GFAP: variants seen among roughly 807,000 people sequenced by gnomAD.
GFAP encodes the protein intermediate filament protein.
Under a neutral mutation model 49.3 loss-of-function variants are expected in GFAP, and 38 were observed. The ratio of observed to expected loss-of-function variants is 0.77; its 90% CI spans 0.60 to 1.01. The LOEUF is 1.01. GFAP is among the 50% of genes least tolerant of loss of function. The probability of loss-of-function intolerance (pLI) is 0.00; values close to 1 mark genes in which losing one functional copy is unlikely to be tolerated. For missense variants in GFAP, 463 were observed against 579.1 expected (o/e 0.80, Z 2.06); for synonymous variants, 222 against 236.4 (o/e 0.94, Z 0.56).
Position 44,911,709 on chromosome 17 carries a change from T to G in GFAP, c.869A>C (p.Gln290Pro). ...AGACTCCAGGTCGCAGGTCAAGGAC[T>G]GCAACTGGCGCCGGTAGTCGTTGGC... ...HEANDYRRQL[Q>P]SLTCDLESLR... The change falls in exon 5 of 9, where the codon CAG becomes CCG. Residue 290 changes from glutamine to proline, a missense_variant. Physicochemically the swap from Gln to Pro is moderately conservative, Grantham distance 76. Around this residue, in one of 3 missense-constraint regions of GFAP, gnomAD observed 362 missense variants for 445.5 expected, o/e 0.81. Transcript: ENST00000588735. The G allele has an allele frequency of 6.2e-7, 1 of 1,613,946 alleles. No homozygotes were observed. The highest frequency in any genetic ancestry group is 8.5e-7 in the Non-Finnish European group (1 of 1,179,996).
intron 7 of GFAP, chr17:44,908,876 C>G (rs1321574072): frequency 6.6e-6 from 1 of 150,708 alleles, no homozygotes; most frequent in African/African-American, 2.5e-5. Flanking sequence ...GGCAAGCAAG[C>G]AAGCAAGCAA....
chr17:44,915,082 G>C lies in GFAP; in HGVS notation c.405C>G (p.Ala135=), dbSNP rs1302957891. Reference sequence around the variant, plus strand: ...GATTGTCCCTCTCAACCTCCAGCCGGGCGCTGTTGGCGGTGAGTTGATCGA... The same window carrying C: ...GATTGTCCCTCTCAACCTCCAGCCGCGCGCTGTTGGCGGTGAGTTGATCGA... ...LRLDQLTANS[A]RLEVERDNLA... is the part of the protein sequence containing the mutation. Residue 135 remains alanine (A), a synonymous_variant, in exon 1 of 9, where the codon GCC becomes GCG. Transcript: ENST00000588735. This position sits in a 1 kb window ranked among gnomAD's most constrained non-coding sequence, Gnocchi z 4.1. 6.2e-7 allele frequency: 1 copy of C among 1,613,350 alleles called. No homozygotes were observed. The highest frequency in any genetic ancestry group is 8.5e-7 in the Non-Finnish European group (1 of 1,180,026).
chr17:44,913,557 G>T, intron 3 of GFAP, 127 bp from the exon 4 acceptor site: 1 of 1,109,972 alleles, frequency 9.0e-7, no homozygotes. Flanking sequence ...GTCTCTTTCC[G>T]TCTCCCTTAG....
Position 44,904,672 on chromosome 17 carries a change from G to A in GFAP, c.*2675C>T, listed in dbSNP as rs1316120304. The A allele has an allele frequency of 2.2e-5, 34 of 1,550,432 alleles. No individual in the cohort carries two copies. The highest frequency in any genetic ancestry group is 4.1e-5 in the African/African-American group (3 of 73,040). On this transcript the variant is annotated 3_prime_UTR_variant, in exon 9 of 9. Coordinates refer to ENST00000588735, the MANE Select transcript of GFAP (RefSeq NM_002055.5). ...CCATTCAGTTCCACCAGCAGAGACT[G>A]GGCCATGGACTCATCATCTCCTGTC...
In GFAP at chr17:44,911,855, G is replaced by A. The variant is rs2051779317; in HGVS notation, c.781-58C>T. ...GGCCCATGGGCAGGCACGGGCTCTG[G>A]GAAATCAGGGAGGTGAGCAGCACCC... On this transcript the variant is annotated intron_variant, in intron 4 of 8. Transcript: ENST00000588735. The A allele has an allele frequency of 1.3e-6, 2 of 1,573,272 alleles. 1 individual carries two copies. Among genetic ancestry groups the A allele is most frequent in the East Asian group, 4.5e-5 (2 of 44,292 alleles).
chr17:44,903,363 G>C lies in GFAP; in HGVS notation c.*3984C>G. 3 of 1,250,326 alleles carry C rather than the reference G, an allele frequency of 2.4e-6. No individual in the cohort carries two copies. Among genetic ancestry groups the C allele is most frequent in the Non-Finnish European group, 3.0e-6 (3 of 998,786 alleles). The allele number at this position is 1,250,326 out of a possible 1,614,324, so 77.5% of individuals were successfully genotyped here. A position where few individuals can be genotyped will look rare whatever the true frequency, so the allele number is the denominator to read the frequency against. On this transcript the variant is annotated 3_prime_UTR_variant, in exon 9 of 9. Coordinates refer to ENST00000588735, the MANE Select transcript of GFAP (RefSeq NM_002055.5). ...GGAAAGTCCCAAGCCATCAGCTCAG[G>C]TCCAGCCAGCCTCCCGGATGGCCAG...
At chr17:44,914,259 G>T (rs950267380) in intron 1 of GFAP, 171 bp from the exon 2 acceptor site, 1 of 608,480 alleles carries the variant, frequency 1.6e-6, no homozygotes, top group Non-Finnish European at 3.0e-6. Flanking sequence ...TCTGGAGGAT[G>T]AGCAGATGTG....
Position 44,904,090 on chromosome 17 carries a change from G to A in GFAP, c.*3257C>T, listed in dbSNP as rs1363639135. 21 of 1,550,650 alleles carry A rather than the reference G, an allele frequency of 1.4e-5. No homozygotes were observed. The highest frequency in any genetic ancestry group is 1.7e-5 in the Non-Finnish European group (20 of 1,147,014). On this transcript the variant is annotated 3_prime_UTR_variant, in exon 9 of 9. Transcript: ENST00000588735. ...TGACGGACTTTGATGGGCGGGTGCT[G>A]ACGGAGGCAGCCCAGGTACGTGTGG...
Position 44,904,274 on chromosome 17 carries a change from A to G in GFAP, c.*3073T>C. On this transcript the variant is annotated 3_prime_UTR_variant, in exon 9 of 9. Transcript: ENST00000588735. ...CCAGAACAGTGAGGGAATGGTGGCC[A>G]CTTTCCAGGACAAGGGCCAGGAGCC... is the stretch of plus-strand genomic sequence containing the variant. 1.3e-6 allele frequency: 2 copies of G among 1,550,134 alleles called. No individual in the cohort carries two copies. The highest frequency in any genetic ancestry group is 1.7e-6 in the Non-Finnish European group (2 of 1,146,816).
chr17:44,904,710 C>T lies in GFAP; in HGVS notation c.*2637G>A, dbSNP rs1260275073. The T allele has an allele frequency of 6.4e-7, 1 of 1,550,586 alleles. No homozygotes were observed. Among genetic ancestry groups the T allele is most frequent in the Non-Finnish European group, 8.7e-7 (1 of 1,146,996 alleles). On this transcript the variant is annotated 3_prime_UTR_variant, in exon 9 of 9. Coordinates refer to ENST00000588735, the MANE Select transcript of GFAP (RefSeq NM_002055.5). ...ATCATCTCCTGTCCTGGGGCCCGGCCAGAGCATGCAGTGGCCTGGGACAAA... is the reference window on the plus strand; with the variant it reads ...ATCATCTCCTGTCCTGGGGCCCGGCTAGAGCATGCAGTGGCCTGGGACAAA...
In GFAP at chr17:44,915,114, G is replaced by A; in HGVS notation, c.373C>T (p.Leu125=). Residue 125 remains leucine (L), a synonymous_variant, in exon 1 of 9, where the codon CTG becomes TTG. Coordinates refer to ENST00000588735, the MANE Select transcript of GFAP (RefSeq NM_002055.5). This position sits in a 1 kb window ranked among gnomAD's most constrained non-coding sequence, Gnocchi z 4.1. ...TTGGCGGTGAGTTGATCGAGCCGCA[G>A]CCGCAGCTCTCGCAGCTCAGCCTGG... is the stretch of plus-strand genomic sequence containing the variant. ...VYQAELRELR[L]RLDQLTANSA... is the part of the protein sequence containing the mutation. 6.2e-7 allele frequency: 1 copy of A among 1,613,962 alleles called. No homozygotes were observed. Among genetic ancestry groups the A allele is most frequent in the Non-Finnish European group, 8.5e-7 (1 of 1,180,036 alleles).
intron 7 of GFAP, chr17:44,910,323 A>C: frequency 6.2e-7 from 1 of 1,613,362 alleles, no homozygotes; most frequent in Non-Finnish European, 8.5e-7. Flanking sequence ...GTGCTTGCTC[A>C]GGGATCTGCA....
chr17:44,907,398 A>C lies in GFAP; in HGVS notation c.1258-10T>G. ...TGGACTCCTTAATGACCTGCAGGGG[A>C]CAGGGAACGTGCACAGTGCAACAGT... is the stretch of plus-strand genomic sequence containing the variant. On this transcript the variant is annotated splice_polypyrimidine_tract_variant and intron_variant, in intron 8 of 8. Transcript: ENST00000588735. 1 of 1,605,164 alleles carries C rather than the reference A, an allele frequency of 6.2e-7. No individual in the cohort carries two copies. The highest frequency in any genetic ancestry group is 8.5e-7 in the Non-Finnish European group (1 of 1,171,802).
At chr17:44,908,197 G>C (rs1377540842) in intron 7 of GFAP, 48 bp from the exon 8 acceptor site, 4 of 1,323,184 alleles carry the variant, frequency 3.0e-6, no homozygotes, top group Non-Finnish European at 4.4e-6. Flanking sequence ...CAGGGCATGA[G>C]CCATCCTCTC....
intron 8 of GFAP, 30 bp from the exon 9 acceptor site, chr17:44,907,418 AAC>A: frequency 6.5e-7 from 1 of 1,531,012 alleles, no homozygotes; most frequent in Non-Finnish European, 9.1e-7. Context: ...TGCACAGTGC[AAC>A]AGTTAGGAGT....
Position 44,903,570 on chromosome 17 carries a change from G to A in GFAP, c.*3777C>T. ...GTGAGCGCCAGTGTTCTAGAAAGGGGAGTAAAGGCCAGGTTCTAGAATGGC... is the reference window on the plus strand; with the variant it reads ...GTGAGCGCCAGTGTTCTAGAAAGGGAAGTAAAGGCCAGGTTCTAGAATGGC... On this transcript the variant is annotated 3_prime_UTR_variant, in exon 9 of 9. Transcript: ENST00000588735. The A allele has an allele frequency of 1.4e-6, 2 of 1,386,188 alleles. No individual in the cohort carries two copies. Among genetic ancestry groups the A allele is most frequent in the Non-Finnish European group, 1.9e-6 (2 of 1,076,970 alleles). The allele number at this position is 1,386,188 out of a possible 1,614,324, so 85.9% of individuals were successfully genotyped here.
chr17:44,904,658 C>G lies in GFAP; in HGVS notation c.*2689G>C, dbSNP rs573962108. On this transcript the variant is annotated 3_prime_UTR_variant, in exon 9 of 9. Transcript: ENST00000588735. ...GGTGCCCCAGGTGCCCATTCAGTTC[C>G]ACCAGCAGAGACTGGGCCATGGACT... 6.0e-5 allele frequency: 93 copies of G among 1,550,568 alleles called. No homozygotes were observed. In the African/African-American group the frequency reaches 1.2e-3, roughly 20 times the overall value.
At chr17:44,907,773 C>T (rs544016221) in intron 8 of GFAP, 1 of 565,244 alleles carries the variant, frequency 1.8e-6, no homozygotes, top group Non-Finnish European at 3.2e-6. Flanking sequence ...CTTTAATTCT[C>T]TTTCTCTCCC....
chr17:44,903,673 C>T lies in GFAP; in HGVS notation c.*3674G>A. On this transcript the variant is annotated 3_prime_UTR_variant, in exon 9 of 9. Coordinates refer to ENST00000588735, the MANE Select transcript of GFAP (RefSeq NM_002055.5). ...CATCCACTGGGAATAAATTGCCTTG[C>T]ACTTGGCGGCTTCCTCTGCAGATTG... 2 of 1,435,482 alleles carry T rather than the reference C, an allele frequency of 1.4e-6. No individual in the cohort carries two copies. Among genetic ancestry groups the T allele is most frequent in the Non-Finnish European group, 1.8e-6 (2 of 1,100,886 alleles). 88.9% of individuals were successfully genotyped at this position (1,435,482 alleles called of 1,614,324 possible).
Sources: allele counts gnomAD v4.1 joint callset, GRCh38; gene constraint gnomAD v4.1.1; regional missense constraint gnomAD v4.1.1; non-coding constraint Gnocchi (gnomAD v3.1); transcripts MANE v1.5; gene names NCBI Gene and HGNC (gene_info 2026-07-23, HGNC 2026-07-21).